FAM222B: variants seen among roughly 807,000 people sequenced by gnomAD.
FAM222B encodes family with sequence similarity 222 member B, also known as protein FAM222B.
FAM222B carries 12 observed loss-of-function variants against 38.0 expected under a neutral mutation model. The observed-to-expected ratio is 0.32, with a 90% CI of 0.20 to 0.51. The LOEUF (loss-of-function observed/expected upper bound fraction) is 0.51, where lower values mean the gene tolerates loss of function less well. Ranked by LOEUF, FAM222B falls within the 20% of genes least tolerant of loss-of-function variation. FAM222B has a pLI of 0.97. For missense variants in FAM222B, 716 were observed against 754.2 expected, an observed-to-expected ratio of 0.95 and a Z score of 0.59; for synonymous variants, 329 against 317.2, an observed-to-expected ratio of 1.04 and a Z score of -0.40.
intron 1 of FAM222B, among the ~76,000 whole-genome samples, chr17:28,811,527 A>G (rs964442758): frequency 6.6e-6 from 1 of 152,234 alleles, no homozygotes; most frequent in African/African-American, 2.4e-5. Context: ...GTTTTTGACG[A>G]TAGAAACTAC....
chr17:28,787,222 C>G (rs1050652598), intron 1 of FAM222B, among the ~76,000 whole-genome samples: 2 of 152,136 alleles, frequency 1.3e-5, no homozygotes, highest in Non-Finnish European at 2.9e-5. Context: ...CCATGCCCAG[C>G]CCCCACTGTA....
chr17:28,838,822 A>C (rs1175269966), intron 1 of FAM222B, among the ~76,000 whole-genome samples: 1 of 151,842 alleles, frequency 6.6e-6, no homozygotes. Context: ...CCAGAGAATC[A>C]CTTGAACACA....
chr17:28,814,914 C>T (rs893106950), intron 1 of FAM222B, among the ~76,000 whole-genome samples: 2 of 151,560 alleles, frequency 1.3e-5, no homozygotes, highest in African/African-American at 2.4e-5. Context: ...GCTGGGATTA[C>T]AGGCACGAGC....
intron 1 of FAM222B, among the ~76,000 whole-genome samples, chr17:28,849,880 G>A (rs1054586189): frequency 6.6e-6 from 1 of 151,966 alleles, no homozygotes; most frequent in Non-Finnish European, 1.5e-5. Flanking sequence ...TTGGGAGTTC[G>A]AGACCAGCCT....
At chr17:28,840,992 T>TAAAAA (rs1335831529) in intron 1 of FAM222B, among the ~76,000 whole-genome samples, 3 of 149,394 alleles carry the variant, frequency 2.0e-5, no homozygotes, top group Non-Finnish European at 4.4e-5. Context: ...TAAAATAAAA[T>TAAAAA]AAAAATAAAG....
intron 1 of FAM222B, among the ~76,000 whole-genome samples, chr17:28,809,169 G>A (rs562172978): frequency 1.3e-5 from 2 of 152,198 alleles, no homozygotes; most frequent in South Asian, 2.1e-4. Context: ...TGGCCAACAT[G>A]GTGAAACCCT....
At chr17:28,791,675 A>ATT (rs869183871) in intron 1 of FAM222B, among the ~76,000 whole-genome samples, 7,890 of 116,726 alleles carry the variant, frequency 0.068, 432 homozygotes, top group South Asian at 0.1. Flanking sequence ...GAGCCCAGGA[A>ATT]TTTTTTTTTT....
At chr17:28,839,211 A>G (rs955205712) in intron 1 of FAM222B, among the ~76,000 whole-genome samples, 16 of 152,098 alleles carry the variant, frequency 1.1e-4, no homozygotes, top group African/African-American at 3.6e-4. Flanking sequence ...CGTCTCAAAA[A>G]ATAATAATAA....
At chr17:28,810,826 C>A (rs1056719476) in intron 1 of FAM222B, among the ~76,000 whole-genome samples, 1 of 152,130 alleles carries the variant, frequency 6.6e-6, no homozygotes, top group South Asian at 2.1e-4. Context: ...TTTCCTATCC[C>A]ATTATCCCTA....
chr17:28,818,325 G>A (rs905369538), intron 1 of FAM222B, among the ~76,000 whole-genome samples: 1 of 151,994 alleles, frequency 6.6e-6, no homozygotes, highest in Admixed American at 6.6e-5. Flanking sequence ...TCAGGAGATC[G>A]AGACCATCTG....
intron 1 of FAM222B, among the ~76,000 whole-genome samples, chr17:28,808,041 G>T (rs953742930): frequency 6.6e-6 from 1 of 152,170 alleles, no homozygotes; most frequent in Admixed American, 6.6e-5. Context: ...ACAGCTCTGA[G>T]GATAATCTCC....
intron 1 of FAM222B, among the ~76,000 whole-genome samples, chr17:28,811,585 G>C (rs1414451911): frequency 1.3e-5 from 2 of 152,178 alleles, no homozygotes; most frequent in Non-Finnish European, 2.9e-5. Flanking sequence ...CAGAGAAAAA[G>C]ATAAGACTTT....
rs1342510057 is a variant in FAM222B at position 28,759,835 on chromosome 17, G to T, written c.124C>A (p.Pro42Thr). 1.7e-5 allele frequency: 27 copies of T among 1,573,110 alleles called. No individual in the cohort carries two copies. The highest frequency in any genetic ancestry group is 2.3e-5 in the Non-Finnish European group (27 of 1,159,350). Reference sequence around the variant, plus strand: ...TTAGCATACGCATCCAATTCGGCTGGGGTAGGATAGTGAGCAGTTCTCATT... The same window carrying T: ...TTAGCATACGCATCCAATTCGGCTGTGGTAGGATAGTGAGCAGTTCTCATT... The part of the protein sequence containing the change: ...QKMRTAHYPT[P>T]AELDAYAKKV... Residue 42 changes from proline to threonine, a missense_variant, in exon 3 of 3, where the codon CCA becomes ACA. Coordinates refer to ENST00000581407, the MANE Select transcript of FAM222B (RefSeq NM_001077498.3). This position sits in a 1 kb window ranked among gnomAD's most constrained non-coding sequence, Gnocchi z 4.8.
At chr17:28,762,504 G>T (rs1329524207) in intron 2 of FAM222B, among the ~76,000 whole-genome samples, 1 of 150,988 alleles carries the variant, frequency 6.6e-6, no homozygotes, top group African/African-American at 2.4e-5. Context: ...GAGCGCACTT[G>T]TAGTCCCAGC....
intron 1 of FAM222B, among the ~76,000 whole-genome samples, chr17:28,778,846 G>T (rs1333416031): frequency 2.7e-5 from 4 of 147,794 alleles, no homozygotes; most frequent in Non-Finnish European, 5.9e-5. Context: ...TTATAGGTGT[G>T]AACCACCTCA....
rs887978982 is a variant in FAM222B at position 28,756,363 on chromosome 17, T to G, written c.*1907A>C. 2.6e-5 allele frequency: 4 copies of G among 152,458 alleles called. No homozygotes were observed. Among genetic ancestry groups the G allele is most frequent in the Non-Finnish European group, 5.9e-5 (4 of 68,052 alleles). The allele number at this position is 152,458 out of a possible 1,614,324, so 9.4% of individuals were successfully genotyped here. A position where few individuals can be genotyped will look rare whatever the true frequency, so the allele number is the denominator to read the frequency against. On this transcript the variant is annotated 3_prime_UTR_variant, in exon 3 of 3. Coordinates refer to ENST00000581407, the MANE Select transcript of FAM222B (RefSeq NM_001077498.3). ...TACACAGGAAGAGATGGGTTTGAGG[T>G]TGTTTGACTTAAAGCCCCCAAGTTG...
chr17:28,759,403 G>T lies in FAM222B; in HGVS notation c.556C>A (p.His186Asn). The T allele has an allele frequency of 6.3e-7, 1 of 1,599,892 alleles. No homozygotes were observed. Residue 186 changes from histidine to asparagine, a missense_variant, in exon 3 of 3, where the codon CAC becomes AAC. Physicochemically the swap from His to Asn is moderately conservative, Grantham distance 68. Transcript: ENST00000581407. This position sits in a 1 kb window ranked among gnomAD's most constrained non-coding sequence, Gnocchi z 4.8. ...QGIPPPQALS[H>N]PQSLQQPQGL... is the part of the protein sequence containing the mutation. ...TGAGGCTGCTGGAGGCTCTGAGGGT[G>T]GGACAGTGCCTGGGGTGGCGGGATA... is the stretch of plus-strand genomic sequence containing the variant.
chr17:28,803,727 C>A (rs929804349), intron 1 of FAM222B, among the ~76,000 whole-genome samples: 2 of 152,032 alleles, frequency 1.3e-5, no homozygotes, highest in African/African-American at 4.8e-5. Context: ...CGCCTGTAAT[C>A]CCAGCACTTT....
chr17:28,833,530 T>C (rs895385764), intron 1 of FAM222B, among the ~76,000 whole-genome samples: 7 of 149,472 alleles, frequency 4.7e-5, no homozygotes, highest in African/African-American at 1.7e-4. Flanking sequence ...GGAGAATTCC[T>C]TGAACCCAGG....
Sources: allele counts gnomAD v4.1 joint callset (sites outside exome capture counted in the v4.1 genomes callset), GRCh38; gene constraint gnomAD v4.1.1; non-coding constraint Gnocchi (gnomAD v3.1); transcripts MANE v1.5; gene names NCBI Gene and HGNC (gene_info 2026-07-23, HGNC 2026-07-21).